Variants in SRD5A2 observed in about 807,000 individuals in gnomAD.
SRD5A2 encodes the protein steroid 5 alpha-reductase 2, also known as 3-oxo-5-alpha-steroid 4-dehydrogenase 2.
SRD5A2 carries 30 observed loss-of-function variants against 27.4 expected under a neutral mutation model. That is an observed-to-expected ratio of 1.10 (90% CI 0.82 to 1.49). The LOEUF (loss-of-function observed/expected upper bound fraction) is 1.49, where lower values mean the gene tolerates loss of function less well. Among genes scored for constraint, SRD5A2 ranks in the 40% most tolerant of loss-of-function variants. The pLI is 0.00. For missense variants in SRD5A2, 348 were observed against 323.4 expected (o/e 1.08, Z -0.58); for synonymous variants, 141 against 133.6 (o/e 1.06, Z -0.38).
Position 31,533,658 on chromosome 2 carries a change from C to G in SRD5A2, c.390G>C (p.Leu130=). The change falls in exon 2 of 5, where the codon CTG becomes CTC. Residue 130 remains leucine, a synonymous_variant. Transcript: ENST00000622030. ...CATCAGGGTATTCAGCACAGTAAAT[C>G]AGATAGTAGCCTTGAAGGACTCCAT... is the stretch of plus-strand genomic sequence containing the variant. ...TGNGVLQGYY[L]IYCAEYPDGW... 6.4e-7 allele frequency: 1 copy of G among 1,560,728 alleles called. No individual in the cohort carries two copies. Among genetic ancestry groups the G allele is most frequent in the East Asian group, 2.4e-5 (1 of 41,756 alleles).
At chr2:31,568,382 G>A (rs889880319) in intron 1 of SRD5A2, among the ~76,000 whole-genome samples, 1 of 152,182 alleles carries the variant, frequency 6.6e-6, no homozygotes, top group Non-Finnish European at 1.5e-5. Context: ...ACTGGAGGAT[G>A]AGCAAGGCAG....
At chr2:31,580,529 G>A (rs1667051395) in intron 1 of SRD5A2, 91 bp downstream of exon 1, 1 of 1,392,592 alleles carries the variant, frequency 7.2e-7, no homozygotes, top group South Asian at 1.5e-5. Context: ...TGCCTCCTTG[G>A]CGTTCCTCGG....
chr2:31,558,081 G>C (rs1372138356), intron 1 of SRD5A2, among the ~76,000 whole-genome samples: 1 of 152,136 alleles, frequency 6.6e-6, no homozygotes, highest in Non-Finnish European at 1.5e-5. Flanking sequence ...AATCTTACTT[G>C]GAAGGCCAGC....
the SRD5A2 span, among the ~76,000 whole-genome samples, chr2:31,662,388 AGC>A: frequency 6.6e-6 from 1 of 152,048 alleles, no homozygotes; most frequent in African/African-American, 2.4e-5. Context: ...GGTGAATTAT[AGC>A]TCACTGCAGA....
chr2:31,547,150 A>T (rs1666279234), intron 1 of SRD5A2, among the ~76,000 whole-genome samples: 1 of 152,188 alleles, frequency 6.6e-6, no homozygotes, highest in African/African-American at 2.4e-5. Flanking sequence ...TAAAAGGCAC[A>T]TAGACCTGTG....
chr2:31,621,244 T>C, the SRD5A2 span, among the ~76,000 whole-genome samples: 1 of 151,964 alleles, frequency 6.6e-6, no homozygotes, highest in Non-Finnish European at 1.5e-5. Flanking sequence ...CCTCTCATAG[T>C]CACACTCACT....
Position 31,525,443 on chromosome 2 carries a change from A to T in SRD5A2, c.*753T>A. ...GGGTCATGTTGTTCTCTACTCTCTC[A>T]TAAGCCACCCAGGTTCATGCCTTTT... On this transcript the variant is annotated 3_prime_UTR_variant, in exon 5 of 5. Transcript: ENST00000622030. 4.4e-6 allele frequency: 1 copy of T among 226,598 alleles called. No homozygotes were observed. Among genetic ancestry groups the T allele is most frequent in the South Asian group, 1.8e-4 (1 of 5,488 alleles). The allele number at this position is 226,598 out of a possible 1,614,324, so 14.0% of individuals were successfully genotyped here. A position where few individuals can be genotyped will look rare whatever the true frequency, so the allele number is the denominator to read the frequency against.
the SRD5A2 span, among the ~76,000 whole-genome samples, chr2:31,620,317 G>A: frequency 1.3e-5 from 2 of 152,020 alleles, no homozygotes; most frequent in East Asian, 3.9e-4. Context: ...ATTCAGCATA[G>A]TATTGGAATT....
intron 1 of SRD5A2, among the ~76,000 whole-genome samples, chr2:31,547,311 A>G (rs1476882595): frequency 6.6e-6 from 1 of 152,184 alleles, no homozygotes; most frequent in Non-Finnish European, 1.5e-5. Context: ...TCAATGCTTC[A>G]GTAGAAACTG....
At chr2:31,531,176 T>C (rs1665898552) in intron 3 of SRD5A2, among the ~76,000 whole-genome samples, 195 bp downstream of exon 3, 1 of 152,204 alleles carries the variant, frequency 6.6e-6, no homozygotes, top group South Asian at 2.1e-4. Context: ...CTGGTAGCTC[T>C]CTGGAGCTTC....
rs1665770685 is a variant in SRD5A2, at chr2:31,526,030, A to G, written c.*166T>C. 20 of 529,948 alleles carry G rather than the reference A, an allele frequency of 3.8e-5. No homozygotes were observed. The South Asian group carries it at 6.2e-4, about 16-fold the overall frequency. The allele number at this position is 529,948 out of a possible 1,614,324, so 32.8% of individuals were successfully genotyped here. ...AGGGGTCCCTGGAAGGGTAGGAGTA[A>G]ACTCTAAGCAGACACCACTCAGAAT... On this transcript the variant is annotated 3_prime_UTR_variant, in exon 5 of 5. Transcript: ENST00000622030.
At chr2:31,625,554 GAC>G in the SRD5A2 span, among the ~76,000 whole-genome samples, 1 of 152,180 alleles carries the variant, frequency 6.6e-6, no homozygotes, top group Non-Finnish European at 1.5e-5. Flanking sequence ...GTAAGGAAGG[GAC>G]ATAGTTTCAG....
At chr2:31,593,220 C>T in the SRD5A2 span, among the ~76,000 whole-genome samples, 4 of 151,934 alleles carry the variant, frequency 2.6e-5, no homozygotes, top group African/African-American at 9.7e-5. Context: ...TGTAACTAAC[C>T]TGCACATTGT....
the SRD5A2 span, among the ~76,000 whole-genome samples, chr2:31,593,009 G>A: frequency 2.6e-5 from 4 of 151,870 alleles, no homozygotes; most frequent in Non-Finnish European, 5.9e-5. Flanking sequence ...CTATCGCAAG[G>A]ACAAAAAACC....
the SRD5A2 span, among the ~76,000 whole-genome samples, chr2:31,625,375 T>C: frequency 2.0e-5 from 3 of 152,186 alleles, no homozygotes; most frequent in Admixed American, 2.0e-4. Context: ...TTAGATCCCA[T>C]TTGTCTATTT....
the SRD5A2 span, among the ~76,000 whole-genome samples, chr2:31,640,884 G>A: frequency 6.6e-6 from 1 of 152,052 alleles, no homozygotes; most frequent in South Asian, 2.1e-4. Context: ...CTCCTGCCAG[G>A]GAACCCAAAA....
chr2:31,526,315 C>G, intron 4 of SRD5A2, 53 bp from the exon 5 acceptor site: 1 of 1,186,654 alleles, frequency 8.4e-7, no homozygotes, highest in South Asian at 1.3e-5. Flanking sequence ...TGGCTGACAG[C>G]TGAGGTTTGC....
chr2:31,601,154 T>C, the SRD5A2 span, among the ~76,000 whole-genome samples: 6 of 151,578 alleles, frequency 4.0e-5, no homozygotes, highest in Admixed American at 3.3e-4. Context: ...TTTGAAAACA[T>C]AATAAAATAA....
At chr2:31,635,394 T>G in the SRD5A2 span, among the ~76,000 whole-genome samples, 5 of 152,152 alleles carry the variant, frequency 3.3e-5, no homozygotes, top group African/African-American at 1.2e-4. Context: ...TTAATTGGAT[T>G]ATTAGATTTT....
Sources: allele counts gnomAD v4.1 joint callset (sites outside exome capture counted in the v4.1 genomes callset), GRCh38; gene constraint gnomAD v4.1.1; transcripts MANE v1.5; gene names NCBI Gene and HGNC (gene_info 2026-07-23, HGNC 2026-07-21).